Variants in CHM observed in about 807,000 individuals in gnomAD.
CHM encodes rab proteins geranylgeranyltransferase component A 1.
Under a neutral mutation model 49.0 loss-of-function variants are expected in CHM, and 10 were observed. The observed-to-expected ratio is 0.20, with a 90% CI of 0.13 to 0.35. CHM has a LOEUF of 0.35. CHM is among the 10% of genes least tolerant of loss of function. The pLI is 1.00. For missense variants in CHM, 455 were observed against 478.4 expected, an observed-to-expected ratio of 0.95 and a Z score of 0.46; for synonymous variants, 184 against 167.5, an observed-to-expected ratio of 1.10 and a Z score of -0.76.
chrX:85,968,444 C>T (rs370926985), intron 4 of CHM, among the ~76,000 whole-genome samples: 3 of 111,601 alleles, frequency 2.7e-5, no homozygotes, highest in East Asian at 2.8e-4. Context: ...TTTCTCTTTG[C>T]TTTAAGAGCT....
intron 2 of CHM, among the ~76,000 whole-genome samples, chrX:86,010,518 A>G (rs1212714098): frequency 1.8e-5 from 2 of 110,654 alleles, no homozygotes; most frequent in Non-Finnish European, 3.8e-5. Flanking sequence ...AACTATCTAT[A>G]CCAATTTCAC....
rs1923370873 is a variant in CHM at position 85,861,899 on chromosome X, A to C, written c.*2731T>G. 1 of 112,037 alleles carries C rather than the reference A, an allele frequency of 8.9e-6. No individual in the cohort carries two copies. The highest frequency in any genetic ancestry group is 3.2e-5 in the African/African-American group (1 of 30,999). 9.2% of individuals were successfully genotyped at this position (112,037 alleles called of 1,213,427 possible). A position where few individuals can be genotyped will look rare whatever the true frequency, so the allele number is the denominator to read the frequency against. On this transcript the variant is annotated 3_prime_UTR_variant, in exon 15 of 15. Coordinates refer to ENST00000357749, the MANE Select transcript of CHM (RefSeq NM_000390.4). ...TCCACTATGTACAATATATTTTATT[A>C]ATATGATTTCAAGCTTAAGGTTTTA...
intron 2 of CHM, among the ~76,000 whole-genome samples, chrX:85,992,193 T>C (rs975850371): frequency 8.9e-6 from 1 of 111,949 alleles, no homozygotes; most frequent in Admixed American, 9.5e-5. Flanking sequence ...GCAGATGGAA[T>C]GAAATCTAGT....
chrX:85,917,276 T>C (rs1025050404), intron 8 of CHM, among the ~76,000 whole-genome samples: 1 of 110,171 alleles, frequency 9.1e-6, no homozygotes, highest in Non-Finnish European at 1.9e-5. Flanking sequence ...GGGAACAACA[T>C]ACACTGGGGC....
At chrX:86,034,759 G>A (rs780746715) in intron 1 of CHM, among the ~76,000 whole-genome samples, 256 of 110,749 alleles carry the variant, frequency 2.3e-3, no homozygotes, top group African/African-American at 8.1e-3. Context: ...CAGCCTGGGC[G>A]ACAAAAGCAA....
chrX:85,866,943 G>A (rs1923737927), intron 14 of CHM, among the ~76,000 whole-genome samples: 1 of 112,646 alleles, frequency 8.9e-6, no homozygotes, highest in African/African-American at 3.2e-5. Context: ...AGGTTCATAG[G>A]CAGAAGGGAC....
chrX:85,977,581 T>C (rs1931345784), intron 4 of CHM, among the ~76,000 whole-genome samples: 1 of 112,320 alleles, frequency 8.9e-6, no homozygotes, highest in Admixed American at 9.4e-5. Flanking sequence ...CACTATATTG[T>C]AGTCAAGTAA....
Position 85,897,280 on chromosome X carries a change from T to C in CHM, c.1414-2996A>G, listed in dbSNP as rs180859391. Among the ~76,000 whole-genome samples the C allele has an allele frequency of 3.1e-3, 317 of 101,052 alleles. 2 individuals are homozygous for C. In the East Asian group the frequency reaches 0.051, roughly 16 times the overall value. The allele number at this position is 101,052 out of a possible 115,157, so 87.8% of individuals were successfully genotyped here. On this transcript the variant is annotated intron_variant, in intron 11 of 14. Coordinates refer to ENST00000357749, the MANE Select transcript of CHM (RefSeq NM_000390.4). ...TAGTATATATATATATACTAGCATA[T>C]ATGAAATAGAAAATGCTTGTGTGTG...
chrX:85,956,138 C>A lies in CHM; in HGVS notation c.1166+15G>T. On this transcript the variant is annotated intron_variant, in intron 8 of 14. Coordinates refer to ENST00000357749, the MANE Select transcript of CHM (RefSeq NM_000390.4). Reference sequence around the variant, plus strand: ...TCACTTTTAGAAGGGACAAGAAAATCAATGGCAAACTTACCTGCAGAAACA... The same window carrying A: ...TCACTTTTAGAAGGGACAAGAAAATAAATGGCAAACTTACCTGCAGAAACA... The A allele has an allele frequency of 1.7e-6, 2 of 1,191,579 alleles. No individual in the cohort carries two copies. Among genetic ancestry groups the A allele is most frequent in the Admixed American group, 2.2e-5 (1 of 45,967 alleles).
At chrX:85,961,291 G>A (rs5968753) in intron 5 of CHM, among the ~76,000 whole-genome samples, 24,400 of 107,653 alleles carry the variant, frequency 0.23, 2,162 homozygotes, top group Non-Finnish European at 0.25. Context: ...ATAGTGGCAC[G>A]CGCCTGTAGT....
chrX:85,894,360 A>G lies in CHM; in HGVS notation c.1414-76T>C, dbSNP rs370652353. 37 of 718,552 alleles carry G rather than the reference A, an allele frequency of 5.1e-5. No individual in the cohort carries two copies. The African/African-American group carries it at 7.3e-4, about 14-fold the overall frequency. The allele number at this position is 718,552 out of a possible 1,213,427, so 59.2% of individuals were successfully genotyped here. A position where few individuals can be genotyped will look rare whatever the true frequency, so the allele number is the denominator to read the frequency against. On this transcript the variant is annotated intron_variant, in intron 11 of 14. Transcript: ENST00000357749. The stretch of plus-strand genomic sequence containing the variant: ...TTCTTCTAACATTAAAATGCTGTTA[A>G]CTTCTAAACTGAGTATCTTTTTCAA...
chrX:85,906,906 G>A (rs1428301645), intron 9 of CHM, among the ~76,000 whole-genome samples: 3 of 111,751 alleles, frequency 2.7e-5, no homozygotes, highest in South Asian at 3.7e-4. Flanking sequence ...GGCTGAGGCC[G>A]GCTGATCACC....
At chrX:85,944,179 A>G (rs907001390) in intron 8 of CHM, among the ~76,000 whole-genome samples, 3 of 111,853 alleles carry the variant, frequency 2.7e-5, no homozygotes, top group African/African-American at 9.7e-5. Flanking sequence ...TTGATCCAGG[A>G]TAGGAAATGT....
At chrX:86,037,894 G>A (rs1934312506) in intron 1 of CHM, among the ~76,000 whole-genome samples, 1 of 110,384 alleles carries the variant, frequency 9.1e-6, no homozygotes, top group African/African-American at 3.3e-5. Flanking sequence ...GGAAACAAAA[G>A]AATAGTCAAC....
At position 85,862,872 on chromosome X, in the gene CHM, A is replaced by C. The variant is rs1233220258; in HGVS notation, c.*1758T>G. Reference sequence around the variant, plus strand: ...GGGACCAGCTGCAGTTGAAGTATGTAAGAACTATGTACTTTACATTGGAGC... The same window carrying C: ...GGGACCAGCTGCAGTTGAAGTATGTCAGAACTATGTACTTTACATTGGAGC... On this transcript the variant is annotated 3_prime_UTR_variant, in exon 15 of 15. Transcript: ENST00000357749. The C allele has an allele frequency of 8.9e-6, 1 of 111,793 alleles. No homozygotes were observed. Among genetic ancestry groups the C allele is most frequent in the East Asian group, 2.8e-4 (1 of 3,549 alleles). The allele number at this position is 111,793 out of a possible 1,213,427, so 9.2% of individuals were successfully genotyped here. A position where few individuals can be genotyped will look rare whatever the true frequency, so the allele number is the denominator to read the frequency against.
intron 4 of CHM, chrX:85,970,746 A>C: frequency 6.5e-6 from 1 of 153,900 alleles, no homozygotes; most frequent in Non-Finnish European, 1.1e-5. Context: ...GTGTAATCAC[A>C]AAAAATCACT....
intron 2 of CHM, among the ~76,000 whole-genome samples, chrX:86,003,337 T>C (rs1420924541): frequency 8.9e-6 from 1 of 112,010 alleles, no homozygotes; most frequent in African/African-American, 3.2e-5. Context: ...ATTCTAAAAA[T>C]AACAGTGCCT....
intron 14 of CHM, among the ~76,000 whole-genome samples, chrX:85,871,536 A>T (rs1924075701): frequency 9.1e-6 from 1 of 110,322 alleles, no homozygotes; most frequent in Admixed American, 9.7e-5. Flanking sequence ...TTTAAAGTAG[A>T]CATTATAATA....
At chrX:85,911,374 T>C (rs377294215) in intron 8 of CHM, 36 bp from the exon 9 acceptor site, 37 of 755,594 alleles carry the variant, frequency 4.9e-5, no homozygotes, top group East Asian at 9.3e-5. Flanking sequence ...ATTAGGGTAA[T>C]TGGGTTGAAA....
Sources: allele counts gnomAD v4.1 joint callset (sites outside exome capture counted in the v4.1 genomes callset), GRCh38; gene constraint gnomAD v4.1.1; transcripts MANE v1.5; gene names NCBI Gene and HGNC (gene_info 2026-07-23, HGNC 2026-07-21).